COPG1: variants seen among roughly 807,000 people sequenced by gnomAD.
COPG1 encodes the protein coat protein complex I subunit gamma 1.
COPG1 carries 29 observed loss-of-function variants against 102.8 expected under a neutral mutation model. That is an observed-to-expected ratio of 0.28 (90% CI 0.21 to 0.38). COPG1 has a LOEUF of 0.38. Among genes scored for constraint, COPG1 ranks in the 10% least tolerant of loss-of-function variants. COPG1 has a pLI of 1.00. For missense variants in COPG1, 875 were observed against 1,132.7 expected, an observed-to-expected ratio of 0.77 and a Z score of 3.27; for synonymous variants, 406 against 421.6, an observed-to-expected ratio of 0.96 and a Z score of 0.45.
chr3:129,257,673 C>A, intron 9 of COPG1, 46 bp downstream of exon 9: 1 of 1,613,766 alleles, frequency 6.2e-7, no homozygotes, highest in Non-Finnish European at 8.5e-7. Context: ...CTCACTCATC[C>A]TACCATGCTG....
intron 23 of COPG1, 133 bp from the exon 24 acceptor site, chr3:129,277,161 G>A (rs748390358): frequency 9.3e-4 from 818 of 876,026 alleles, no homozygotes; most frequent in Non-Finnish European, 1.2e-3. Context: ...CTCACTCAGG[G>A]ATTTCAGCCC....
In COPG1 at chr3:129,277,770, TG is replaced by T. The variant is rs1375866091; in HGVS notation, c.*347del. On this transcript the variant is annotated 3_prime_UTR_variant, in exon 24 of 24. Coordinates refer to ENST00000314797, the MANE Select transcript of COPG1 (RefSeq NM_016128.4). ...CTGTAATAAATCAGCATGTATTTAT[TG>T]AATGATTGCTACTTCTGCAGACTCA... 2.8e-5 allele frequency: 7 copies of T among 249,186 alleles called. No individual in the cohort carries two copies. Among genetic ancestry groups the T allele is most frequent in the Non-Finnish European group, 4.8e-5 (6 of 124,100 alleles). 15.4% of individuals were successfully genotyped at this position (249,186 alleles called of 1,614,324 possible).
Position 129,268,514 on chromosome 3 carries a change from T to G in COPG1, c.1668T>G (p.Pro556=). 1.2e-6 allele frequency: 2 copies of G among 1,614,206 alleles called. No individual in the cohort carries two copies. The highest frequency in any genetic ancestry group is 1.7e-6 in the Non-Finnish European group (2 of 1,180,014). ...YILNGLTVSI[P]GLERALQQYT... is the part of the protein sequence containing the mutation. The stretch of plus-strand genomic sequence containing the variant: ...CTCCAGGTCTGACTGTGTCCATCCC[T>G]GGTCTGGAGAGGGCTCTGCAGCAGT... Residue 556 remains proline (P), a synonymous_variant, in exon 17 of 24, where the codon CCT becomes CCG. Coordinates refer to ENST00000314797, the MANE Select transcript of COPG1 (RefSeq NM_016128.4).
chr3:129,271,778 G>A lies in COPG1; in HGVS notation c.1855G>A (p.Ala619Thr). The A allele has an allele frequency of 6.2e-7, 1 of 1,614,188 alleles. No individual in the cohort carries two copies. Among genetic ancestry groups the A allele is most frequent in the Middle Eastern group, 1.6e-4 (1 of 6,062 alleles). ...RQEIFQEQLA[A>T]VPEFRGLGPL... is the part of the protein sequence containing the mutation. ...CCTGTGGATTTCAGAGCAGTTGGCA[G>A]CAGTGCCAGAGTTCCGCGGTCTTGG... Residue 619 changes from alanine (A) to threonine (T), a missense_variant, in exon 19 of 24, where the codon GCA becomes ACA. Physicochemically the swap from Ala to Thr is moderately conservative, Grantham distance 58 (BLOSUM62 0). Coordinates refer to ENST00000314797, the MANE Select transcript of COPG1 (RefSeq NM_016128.4). The surrounding 1 kb of genome is among the most constrained non-coding windows in gnomAD (Gnocchi z 4.7).
At chr3:129,249,976 C>A (rs1042611668) in intron 1 of COPG1, among the ~76,000 whole-genome samples, 2 of 96,538 alleles carry the variant, frequency 2.1e-5, no homozygotes, top group African/African-American at 2.0e-4. Flanking sequence ...GACAAACACC[C>A]CCCCCCCCAG....
chr3:129,269,502 C>A (rs1435320757), intron 18 of COPG1, among the ~76,000 whole-genome samples: 1 of 150,974 alleles, frequency 6.6e-6, no homozygotes, highest in Non-Finnish European at 1.5e-5. Flanking sequence ...AGCATAGACC[C>A]CTCTTCCTTC....
intron 5 of COPG1, 179 bp from the exon 6 acceptor site, chr3:129,254,489 T>C (rs1939765963): frequency 3.6e-6 from 2 of 553,372 alleles, no homozygotes; most frequent in East Asian, 6.1e-5. Context: ...TGTTTGGTTT[T>C]GAGTCTTATG....
intron 10 of COPG1, 138 bp downstream of exon 10, chr3:129,257,998 G>T: frequency 9.2e-7 from 1 of 1,084,984 alleles, no homozygotes; most frequent in Non-Finnish European, 1.3e-6. Flanking sequence ...ACCTGCCCCA[G>T]ACACTATGCT....
rs1323013656 is a variant in COPG1, at chr3:129,275,662, C to T, written c.2494+370C>T. Among the ~76,000 whole-genome samples the T allele has an allele frequency of 6.6e-6, 1 of 152,100 alleles. No homozygotes were observed. The highest frequency in any genetic ancestry group is 1.5e-5 in the Non-Finnish European group (1 of 68,016). On this transcript the variant is annotated intron_variant, in intron 23 of 23. Coordinates refer to ENST00000314797, the MANE Select transcript of COPG1 (RefSeq NM_016128.4). This position sits in a 1 kb window ranked among gnomAD's most constrained non-coding sequence, Gnocchi z 5.0. Reference sequence around the variant, plus strand: ...TTACATTGCATCTTAGAGATCTTCCCCGTCAATATGTAGAGCTTCCTCATT... The same window carrying T: ...TTACATTGCATCTTAGAGATCTTCCTCGTCAATATGTAGAGCTTCCTCATT...
At chr3:129,250,844 C>A in intron 2 of COPG1, 110 bp downstream of exon 2, 2 of 870,114 alleles carry the variant, frequency 2.3e-6, no homozygotes, top group South Asian at 1.3e-5. Context: ...CGGGAGAAAA[C>A]TTGTGCCTGG....
At chr3:129,260,070 A>G (rs997968611) in intron 10 of COPG1, among the ~76,000 whole-genome samples, 1 of 152,192 alleles carries the variant, frequency 6.6e-6, no homozygotes, top group Non-Finnish European at 1.5e-5. Flanking sequence ...AGGCATGTCC[A>G]CTGTATAGCA....
intron 21 of COPG1, among the ~76,000 whole-genome samples, chr3:129,273,221 A>T (rs1275387559): frequency 6.6e-6 from 1 of 152,046 alleles, no homozygotes; most frequent in African/African-American, 2.4e-5. Context: ...ATAGGGTTTC[A>T]CCATGTTGGC....
Position 129,256,566 on chromosome 3 carries a change from G to A in COPG1, c.579+412G>A, listed in dbSNP as rs538680408. Among the ~76,000 whole-genome samples, 6 of 152,346 alleles carry A rather than the reference G, an allele frequency of 3.9e-5. 1 individual carries two copies. Among genetic ancestry groups the A allele is most frequent in the East Asian group, 3.9e-4 (2 of 5,188 alleles). On this transcript the variant is annotated intron_variant, in intron 8 of 23. Transcript: ENST00000314797. Reference sequence around the variant, plus strand: ...TCTTCCTCAGTGACCTAGGACAGCCGTTCCTTTTATCTCTCTGGCTCTTGG... The same window carrying A: ...TCTTCCTCAGTGACCTAGGACAGCCATTCCTTTTATCTCTCTGGCTCTTGG...
chr3:129,272,341 C>G lies in COPG1; in HGVS notation c.2084C>G (p.Ala695Gly). The change falls in exon 20 of 24, where the codon GCC becomes GGC. Residue 695 changes from alanine to glycine, a missense_variant. Ala to Gly is a moderately conservative substitution (Grantham distance 60). Transcript: ENST00000314797. ...TATGAGGTGCTCTGTTACGTGCCTGCCCGGAGCCTGCCCTACAACCAGCCC... is the reference window on the plus strand; with the variant it reads ...TATGAGGTGCTCTGTTACGTGCCTGGCCGGAGCCTGCCCTACAACCAGCCC... Reference protein sequence around the residue: ...EAYEVLCYVPARSLPYNQPGT... With the variant: ...EAYEVLCYVPGRSLPYNQPGT... 1 of 1,614,086 alleles carries G rather than the reference C, an allele frequency of 6.2e-7. No homozygotes were observed. Among genetic ancestry groups the G allele is most frequent in the Non-Finnish European group, 8.5e-7 (1 of 1,179,976 alleles).
In COPG1 at chr3:129,277,536, T is replaced by C; in HGVS notation, c.*112T>C. ...CCAAGCTTCTGTATTGAAAAACAAT[T>C]AGGAATCATTGCAGATTTTTTTTTA... On this transcript the variant is annotated 3_prime_UTR_variant, in exon 24 of 24. Transcript: ENST00000314797. 2 of 1,180,388 alleles carry C rather than the reference T, an allele frequency of 1.7e-6. No homozygotes were observed. The highest frequency in any genetic ancestry group is 2.4e-6 in the Non-Finnish European group (2 of 846,004). The allele number at this position is 1,180,388 out of a possible 1,614,324, so 73.1% of individuals were successfully genotyped here.
chr3:129,265,250 C>T (rs955321554), intron 13 of COPG1, among the ~76,000 whole-genome samples: 1 of 152,064 alleles, frequency 6.6e-6, no homozygotes, highest in African/African-American at 2.4e-5. Flanking sequence ...CACCACCATG[C>T]CCAACTAATT....
In COPG1 at chr3:129,252,312, C is replaced by G; in HGVS notation, c.122C>G (p.Pro41Arg). Residue 41 changes from proline (P) to arginine (R), a missense_variant, in exon 3 of 24, where the codon CCT becomes CGT. By Grantham distance (103) the Pro-to-Arg change is moderately radical. Coordinates refer to ENST00000314797, the MANE Select transcript of COPG1 (RefSeq NM_016128.4). ...ARVFNETPIN[P>R]RKCAHILTKI... ...GTATTTAATGAAACTCCCATCAACC[C>G]TCGGAAATGTGCCCACATCCTCACC... is the stretch of plus-strand genomic sequence containing the variant. The G allele has an allele frequency of 6.2e-7, 1 of 1,613,170 alleles. No homozygotes were observed. Among genetic ancestry groups the G allele is most frequent in the Non-Finnish European group, 8.5e-7 (1 of 1,179,188 alleles).
intron 5 of COPG1, chr3:129,254,253 C>G (rs2107673098): frequency 6.3e-6 from 1 of 158,394 alleles, no homozygotes; most frequent in East Asian, 1.9e-4. Context: ...AAGATCGCAC[C>G]CCATTGCGCT....
intron 3 of COPG1, 29 bp downstream of exon 3, chr3:129,252,390 G>A (rs1560061531): frequency 4.0e-6 from 6 of 1,489,720 alleles, no homozygotes; most frequent in Non-Finnish European, 5.6e-6. Flanking sequence ...CGGGTAGGGA[G>A]AATGGTGCTG....
Sources: allele counts gnomAD v4.1 joint callset (sites outside exome capture counted in the v4.1 genomes callset), GRCh38; gene constraint gnomAD v4.1.1; non-coding constraint Gnocchi (gnomAD v3.1); transcripts MANE v1.5; gene names NCBI Gene and HGNC (gene_info 2026-07-23, HGNC 2026-07-21).